DENND4A: variants seen among roughly 807,000 people sequenced by gnomAD.
The protein encoded by DENND4A is C-myc promoter-binding protein.
Under a neutral mutation model 199.3 loss-of-function variants are expected in DENND4A, and 70 were observed. The ratio of observed to expected loss-of-function variants is 0.35; its 90% CI spans 0.29 to 0.43. The LOEUF is 0.43. DENND4A is among the 20% of genes least tolerant of loss of function. DENND4A has a pLI of 1.00. For missense variants in DENND4A, 1,723 were observed against 2,255.8 expected (o/e 0.76, Z 4.78); for synonymous variants, 686 against 766.9 (o/e 0.89, Z 1.74).
chr15:65,700,522 G>A, intron 20 of DENND4A, 22 bp downstream of exon 20: 1 of 1,350,606 alleles, frequency 7.4e-7, no homozygotes, highest in Non-Finnish European at 9.6e-7. Flanking sequence ...TATAATAAAT[G>A]TATACATAAG....
chr15:65,777,654 C>T (rs2077318812), intron 1 of DENND4A, among the ~76,000 whole-genome samples: 1 of 151,614 alleles, frequency 6.6e-6, no homozygotes, highest in Non-Finnish European at 1.5e-5. Context: ...CACCGGGCCA[C>T]AAACAAAAAA....
chr15:65,688,708 T>C (rs1023527056), intron 23 of DENND4A, among the ~76,000 whole-genome samples: 3 of 152,144 alleles, frequency 2.0e-5, no homozygotes, highest in African/African-American at 7.2e-5. Flanking sequence ...GTTCAGGAAA[T>C]ATGGGGTTTC....
intron 23 of DENND4A, among the ~76,000 whole-genome samples, chr15:65,688,105 CTTCTAAT>C (rs1215468565): frequency 6.6e-6 from 1 of 152,060 alleles, no homozygotes; most frequent in Non-Finnish European, 1.5e-5. Flanking sequence ...TTTCTCTCTT[CTTCTAAT>C]TTCTATTACT....
intron 32 of DENND4A, among the ~76,000 whole-genome samples, chr15:65,664,067 G>GT (rs1457258011): frequency 6.6e-6 from 1 of 151,976 alleles, no homozygotes; most frequent in Non-Finnish European, 1.5e-5. Flanking sequence ...ACAATTTAGT[G>GT]TTTTTTTGGT....
chr15:65,732,494 A>C lies in DENND4A; in HGVS notation c.1107+258T>G, dbSNP rs142748792. On this transcript the variant is annotated intron_variant, in intron 8 of 32. Transcript: ENST00000443035. ...ACCTACAACAAATTTAGGGGAAAAA[A>C]GTTCCTTTCTGTGTATTCAAAATGT... Among the ~76,000 whole-genome samples, 492 of 152,250 alleles carry C rather than the reference A, an allele frequency of 3.2e-3. 3 individuals are homozygous for C. Among genetic ancestry groups the C allele is most frequent in the African/African-American group, 0.011 (466 of 41,574 alleles).
chr15:65,663,172 G>A (rs1212626433), intron 32 of DENND4A, among the ~76,000 whole-genome samples: 3 of 117,868 alleles, frequency 2.5e-5, no homozygotes, highest in Non-Finnish European at 5.1e-5. Context: ...ATATGTGTGT[G>A]TGTGTATATA....
At chr15:65,731,543 T>A in intron 9 of DENND4A, 99 bp downstream of exon 9, 3 of 900,340 alleles carry the variant, frequency 3.3e-6, no homozygotes, top group Middle Eastern at 2.2e-4. Flanking sequence ...AAATGAGAAG[T>A]ATTTCCATCA....
Position 65,690,531 on chromosome 15 carries a change from G to C in DENND4A, c.4063C>G (p.Leu1355Val). The change falls in exon 23 of 33, where the codon CTA (leucine) becomes GTA (valine). Residue 1355 changes from leucine to valine, a missense_variant. By Grantham distance (32) the Leu-to-Val change is conservative. Around this residue, in one of 6 missense-constraint regions of DENND4A, gnomAD observed 650 missense variants for 738.1 expected, o/e 0.88. Transcript: ENST00000443035. ...HSSPSFNLDT[L>V]LVPKLDVLRN... is the part of the protein sequence containing the mutation. ...AGAACATCTAGTTTAGGTACTAGTA[G>C]TGTATCTAAGTTAAATGAAGGTGAT... 1 of 1,613,538 alleles carries C rather than the reference G, an allele frequency of 6.2e-7. No homozygotes were observed. The highest frequency in any genetic ancestry group is 8.5e-7 in the Non-Finnish European group (1 of 1,179,656).
At position 65,660,308 on chromosome 15, in the gene DENND4A, G is replaced by C. The variant is rs529757015; in HGVS notation, c.*1543C>G. On this transcript the variant is annotated 3_prime_UTR_variant, in exon 33 of 33. Transcript: ENST00000443035. Reference sequence around the variant, plus strand: ...GGAAGCTGTGAAATGTTTCAGCATGGTGCTATTCACTAATGGTGTGAACTC... The same window carrying C: ...GGAAGCTGTGAAATGTTTCAGCATGCTGCTATTCACTAATGGTGTGAACTC... 1 of 1,535,024 alleles carries C rather than the reference G, an allele frequency of 6.5e-7. No homozygotes were observed. Among genetic ancestry groups the C allele is most frequent in the Non-Finnish European group, 8.7e-7 (1 of 1,146,476 alleles).
chr15:65,662,058 A>AT (rs1179742483), intron 32 of DENND4A, 71 bp from the exon 33 acceptor site: 2 of 1,282,372 alleles, frequency 1.6e-6, no homozygotes, highest in Non-Finnish European at 1.1e-6. Flanking sequence ...TCAAGTTTCT[A>AT]TAATACTACA....
At chr15:65,729,504 T>A in intron 10 of DENND4A, 30 bp downstream of exon 10, 1 of 1,583,144 alleles carries the variant, frequency 6.3e-7, no homozygotes, top group Non-Finnish European at 8.6e-7. Context: ...TAAACTAAAT[T>A]GACTGCCAAT....
At chr15:65,719,706 T>C (rs2075546032) in intron 12 of DENND4A, among the ~76,000 whole-genome samples, 1 of 149,270 alleles carries the variant, frequency 6.7e-6, no homozygotes, top group African/African-American at 2.5e-5. Context: ...CATGGCAATA[T>C]AGTGAGATCC....
intron 18 of DENND4A, 134 bp downstream of exon 18, chr15:65,701,628 T>C (rs1038401242): frequency 3.7e-6 from 3 of 821,282 alleles, no homozygotes; most frequent in African/African-American, 1.7e-5. Context: ...AACTAAAGTC[T>C]TCCTTGATTG....
intron 4 of DENND4A, among the ~76,000 whole-genome samples, chr15:65,748,805 G>A (rs2076482477): frequency 6.6e-6 from 1 of 151,702 alleles, no homozygotes; most frequent in Non-Finnish European, 1.5e-5. Context: ...GGGGTATGTA[G>A]GGAAACCTCA....
At chr15:65,734,245 G>A (rs1364144936) in intron 7 of DENND4A, among the ~76,000 whole-genome samples, 1 of 152,236 alleles carries the variant, frequency 6.6e-6, no homozygotes, top group African/African-American at 2.4e-5. Context: ...AAGGCTGGAG[G>A]TGGGACATGC....
chr15:65,692,691 T>C (rs993464167), intron 22 of DENND4A, among the ~76,000 whole-genome samples: 2 of 152,102 alleles, frequency 1.3e-5, no homozygotes, highest in Non-Finnish European at 2.9e-5. Flanking sequence ...CAGCTTACGA[T>C]TGAGGACATA....
In DENND4A at chr15:65,702,290, T is replaced by C. The variant is rs1476090449; in HGVS notation, c.2430+15A>G. On this transcript the variant is annotated intron_variant, in intron 17 of 32. Transcript: ENST00000443035. Reference sequence around the variant, plus strand: ...TCTCAAAAAAATAAAATAACAACAATAAAATAATTGTTACCTCATCAGGTG... The same window carrying C: ...TCTCAAAAAAATAAAATAACAACAACAAAATAATTGTTACCTCATCAGGTG... 1 of 1,543,710 alleles carries C rather than the reference T, an allele frequency of 6.5e-7. No individual in the cohort carries two copies. Among genetic ancestry groups the C allele is most frequent in the East Asian group, 2.4e-5 (1 of 40,852 alleles).
At chr15:65,684,217 C>T (rs912678626) in intron 23 of DENND4A, among the ~76,000 whole-genome samples, 23 of 152,070 alleles carry the variant, frequency 1.5e-4, no homozygotes, top group African/African-American at 5.6e-4. Flanking sequence ...GTTTTCATTT[C>T]TCTTGGGTAG....
At chr15:65,708,897 C>T (rs1370936100) in intron 14 of DENND4A, among the ~76,000 whole-genome samples, 1 of 152,198 alleles carries the variant, frequency 6.6e-6, no homozygotes, top group Non-Finnish European at 1.5e-5. Flanking sequence ...ATAAATGAAA[C>T]TCACATAATT....
Sources: allele counts gnomAD v4.1 joint callset (sites outside exome capture counted in the v4.1 genomes callset), GRCh38; gene constraint gnomAD v4.1.1; regional missense constraint gnomAD v4.1.1; transcripts MANE v1.5; gene names NCBI Gene and HGNC (gene_info 2026-07-23, HGNC 2026-07-21).